FBXW7: variants seen among roughly 807,000 people sequenced by gnomAD.
The protein encoded by FBXW7 is F-box and WD repeat domain containing 7.
A neutral mutation model predicts 86.3 loss-of-function variants in FBXW7; 11 were observed. The ratio of observed to expected loss-of-function variants is 0.13; its 90% CI spans 0.08 to 0.21. The LOEUF (loss-of-function observed/expected upper bound fraction) is 0.21, where lower values mean the gene tolerates loss of function less well. Among genes scored for constraint, FBXW7 ranks in the 10% least tolerant of loss-of-function variants. The pLI is 1.00. For missense variants in FBXW7, 488 were observed against 847.4 expected (o/e 0.58, Z 5.27); for synonymous variants, 313 against 297.9 (o/e 1.05, Z -0.52).
chr4:152,448,997 G>T (rs533221816), intron 2 of FBXW7, among the ~76,000 whole-genome samples: 2 of 152,052 alleles, frequency 1.3e-5, no homozygotes, highest in African/African-American at 4.8e-5. Flanking sequence ...AAATGCACAC[G>T]ATTTCAACAA....
intron 2 of FBXW7, among the ~76,000 whole-genome samples, chr4:152,428,932 G>A (rs1739624282): frequency 6.6e-6 from 1 of 152,154 alleles, no homozygotes; most frequent in Admixed American, 6.5e-5. Flanking sequence ...GCTCATGCCT[G>A]TAATCCCAGC....
At chr4:152,457,643 C>CAAAAAAAAAAAAAAA in intron 2 of FBXW7, among the ~76,000 whole-genome samples, 1 of 57,464 alleles carries the variant, frequency 1.7e-5, no homozygotes, top group East Asian at 4.2e-4. Flanking sequence ...GACTCTGTCT[C>CAAAAAAAAAAAAAAA]AAAAAAAAAA....
At chr4:152,401,869 T>G (rs1255708413) in intron 4 of FBXW7, among the ~76,000 whole-genome samples, 1 of 152,166 alleles carries the variant, frequency 6.6e-6, no homozygotes, top group Non-Finnish European at 1.5e-5. Context: ...AAAGACAGAA[T>G]GGCTAATGCA....
At chr4:152,376,928 A>AT (rs1734587420) in intron 4 of FBXW7, among the ~76,000 whole-genome samples, 1 of 152,046 alleles carries the variant, frequency 6.6e-6, no homozygotes, top group East Asian at 1.9e-4. Flanking sequence ...AGATAACTCT[A>AT]TAACTAAAAA....
At chr4:152,379,968 A>C (rs1260723938) in intron 4 of FBXW7, among the ~76,000 whole-genome samples, 1 of 152,184 alleles carries the variant, frequency 6.6e-6, no homozygotes, top group Admixed American at 6.5e-5. Flanking sequence ...TTAACTGTGC[A>C]AACATTAACT....
At chr4:152,501,134 A>G (rs1746907590) in intron 2 of FBXW7, among the ~76,000 whole-genome samples, 1 of 152,220 alleles carries the variant, frequency 6.6e-6, no homozygotes, top group Non-Finnish European at 1.5e-5. Flanking sequence ...CCTTTGATAT[A>G]TTAATGTGCA....
chr4:152,334,163 A>T (rs1191161293), intron 7 of FBXW7, among the ~76,000 whole-genome samples: 1 of 152,222 alleles, frequency 6.6e-6, no homozygotes, highest in African/African-American at 2.4e-5. Flanking sequence ...TAATACTACT[A>T]CTGATGAATG....
At chr4:152,483,934 A>G (rs896973538) in intron 2 of FBXW7, among the ~76,000 whole-genome samples, 2 of 152,176 alleles carry the variant, frequency 1.3e-5, no homozygotes, top group South Asian at 2.1e-4. Flanking sequence ...TTTCATTAAC[A>G]TACTCTACAA....
intron 2 of FBXW7, among the ~76,000 whole-genome samples, chr4:152,476,119 G>A (rs1744372145): frequency 6.6e-6 from 1 of 152,132 alleles, no homozygotes; most frequent in South Asian, 2.1e-4. Context: ...GTATTAGCAA[G>A]AGGACACACA....
intron 10 of FBXW7, chr4:152,329,090 G>A (rs1729320026): frequency 6.6e-6 from 1 of 151,774 alleles, no homozygotes; most frequent in South Asian, 2.1e-4. Flanking sequence ...CTACTGGACA[G>A]ATAAAAATAA....
intron 2 of FBXW7, among the ~76,000 whole-genome samples, chr4:152,473,310 T>A (rs536482112): frequency 2.0e-5 from 3 of 152,226 alleles, no homozygotes. Context: ...TTTACAAATA[T>A]GTAATTCTGC....
At chr4:152,372,474 C>G (rs564782903) in intron 4 of FBXW7, among the ~76,000 whole-genome samples, 1 of 151,898 alleles carries the variant, frequency 6.6e-6, no homozygotes, top group Admixed American at 6.6e-5. Context: ...GTTTCTCCAG[C>G]AAAATATATG....
chr4:152,410,686 T>G (rs562693428), intron 4 of FBXW7, among the ~76,000 whole-genome samples: 1 of 152,258 alleles, frequency 6.6e-6, no homozygotes, highest in South Asian at 2.1e-4. Context: ...CACTGTAAAA[T>G]GTAAGAAATA....
chr4:152,323,443 G>A (rs1728724891), intron 13 of FBXW7: 1 of 427,980 alleles, frequency 2.3e-6, no homozygotes, highest in African/African-American at 2.0e-5. Flanking sequence ...ATTCCTTGGT[G>A]AGGATGTAGA....
intron 2 of FBXW7, among the ~76,000 whole-genome samples, chr4:152,458,509 T>C (rs545837304): frequency 1.3e-5 from 2 of 152,226 alleles, no homozygotes; most frequent in Admixed American, 1.3e-4. Context: ...ATATACATCA[T>C]CCAGCATTAT....
At chr4:152,410,027 TA>T (rs1445782539) in intron 4 of FBXW7, among the ~76,000 whole-genome samples, 3 of 152,150 alleles carry the variant, frequency 2.0e-5, no homozygotes, top group African/African-American at 7.2e-5. Context: ...CTACAGAATA[TA>T]AGGATGACTT....
intron 4 of FBXW7, among the ~76,000 whole-genome samples, chr4:152,381,574 G>C (rs923699280): frequency 2.3e-4 from 35 of 152,156 alleles, no homozygotes; most frequent in African/African-American, 8.4e-4. Flanking sequence ...AGAGGAGTAC[G>C]TAATCCTGAG....
intron 4 of FBXW7, among the ~76,000 whole-genome samples, chr4:152,385,382 C>T (rs1316572918): frequency 6.6e-6 from 1 of 151,932 alleles, no homozygotes; most frequent in African/African-American, 2.4e-5. Context: ...TATAAATTTT[C>T]ACTTTTACAT....
intron 2 of FBXW7, among the ~76,000 whole-genome samples, chr4:152,425,197 T>A (rs1276199316): frequency 6.6e-6 from 1 of 152,216 alleles, no homozygotes; most frequent in East Asian, 1.9e-4. Flanking sequence ...CTTTGGTGAT[T>A]TCACAAGTTC....
Sources: gnomAD v4.1 joint callset for allele counts (sites outside exome capture counted in the v4.1 genomes callset) on GRCh38, gnomAD v4.1.1 for gene constraint, MANE v1.5 for transcripts, NCBI Gene and HGNC (gene_info 2026-07-23, HGNC 2026-07-21) for gene names.